CAMTA1: variants seen among roughly 807,000 people sequenced by gnomAD.
The protein encoded by CAMTA1 is calmodulin binding transcription activator 1.
Under a neutral mutation model 170.9 loss-of-function variants are expected in CAMTA1, and 27 were observed. The ratio of observed to expected loss-of-function variants is 0.16; its 90% CI spans 0.12 to 0.22. CAMTA1 has a LOEUF of 0.22. Among genes scored for constraint, CAMTA1 ranks in the 10% least tolerant of loss-of-function variants. CAMTA1 has a pLI of 1.00. For synonymous variants in CAMTA1, 833 were observed against 891.5 expected (o/e 0.93, Z 1.17); for missense variants, 1,619 against 2,217.2 (o/e 0.73, Z 5.42).
chr1:6,809,402 A>G (rs2148324297), intron 1 of CAMTA1, among the ~76,000 whole-genome samples: 1 of 152,244 alleles, frequency 6.6e-6, no homozygotes, highest in East Asian at 1.9e-4. Context: ...GATGTGGGTC[A>G]AAGATCAGGG....
At position 7,713,986 on chromosome 1, in the gene CAMTA1, G is replaced by T. The variant is rs1361034144; in HGVS notation, c.2915-18462G>T. On this transcript the variant is annotated intron_variant, in intron 11 of 22. Transcript: ENST00000303635. ...TGAAGAGGCCAAGTTATGAACAGGG[G>T]CTGGGCAGTCACTTGATTATTGTGT... 2.0e-5 allele frequency among the ~76,000 whole-genome samples: 3 copies of T among 152,166 alleles called. No individual in the cohort carries two copies. In the East Asian group the frequency reaches 5.8e-4, roughly 29 times the overall value.
chr1:6,864,578 T>A (rs185273821), intron 3 of CAMTA1, among the ~76,000 whole-genome samples: 29 of 152,330 alleles, frequency 1.9e-4, no homozygotes, highest in African/African-American at 6.5e-4. Flanking sequence ...CCTTGTCCTC[T>A]GTTCCAGCCA....
chr1:7,553,862 C>T (rs918096868), intron 6 of CAMTA1, among the ~76,000 whole-genome samples: 2 of 152,206 alleles, frequency 1.3e-5, no homozygotes, highest in African/African-American at 4.8e-5. Context: ...GATGCAGGGG[C>T]GTGAAATCAG....
intron 11 of CAMTA1, among the ~76,000 whole-genome samples, chr1:7,684,197 G>A (rs374157538): frequency 3.9e-5 from 6 of 152,210 alleles, no homozygotes; most frequent in African/African-American, 9.6e-5. Flanking sequence ...TGTCCTGGCC[G>A]TTGGGGCAGG....
intron 3 of CAMTA1, among the ~76,000 whole-genome samples, chr1:6,996,102 G>T (rs1423090749): frequency 6.6e-6 from 1 of 152,164 alleles, no homozygotes; most frequent in Non-Finnish European, 1.5e-5. Context: ...TGGGAAGTGC[G>T]GTCCTTTCTA....
chr1:7,503,977 C>T (rs764705652), intron 6 of CAMTA1, among the ~76,000 whole-genome samples: 6 of 152,132 alleles, frequency 3.9e-5, no homozygotes, highest in Non-Finnish European at 7.4e-5. Flanking sequence ...GGCCTCAGAA[C>T]GGGAGAACCA....
intron 3 of CAMTA1, among the ~76,000 whole-genome samples, chr1:6,962,466 C>CCT (rs1690617289): frequency 6.7e-6 from 1 of 148,694 alleles, no homozygotes; most frequent in South Asian, 2.2e-4. Context: ...CGTTTTGGTT[C>CCT]CTCTCTCCCT....
At chr1:7,622,862 C>T (rs1371144668) in intron 6 of CAMTA1, among the ~76,000 whole-genome samples, 1 of 152,266 alleles carries the variant, frequency 6.6e-6, no homozygotes, top group Non-Finnish European at 1.5e-5. Flanking sequence ...AGGCCATTGT[C>T]CTTGGCTTTC....
At chr1:7,298,568 A>G (rs1000711527) in intron 5 of CAMTA1, among the ~76,000 whole-genome samples, 20 of 152,196 alleles carry the variant, frequency 1.3e-4, no homozygotes, top group African/African-American at 4.6e-4. Context: ...GTCATTTGCT[A>G]CAGGGGAAAT....
At position 7,580,373 on chromosome 1, in the gene CAMTA1, G is replaced by C. The variant is rs2095249419; in HGVS notation, c.511-60027G>C. ...GCCCTGTGAATGAGGGGAACCCAGG[G>C]AGGAAGGGGCTCAGATGAAGCAGGT... is the stretch of plus-strand genomic sequence containing the variant. On this transcript the variant is annotated intron_variant, in intron 6 of 22. Coordinates refer to ENST00000303635, the MANE Select transcript of CAMTA1 (RefSeq NM_015215.4). This position sits in a 1 kb window ranked among gnomAD's most constrained non-coding sequence, Gnocchi z 4.3. Among the ~76,000 whole-genome samples the C allele has an allele frequency of 2.0e-5, 3 of 152,146 alleles. No individual in the cohort carries two copies. Among genetic ancestry groups the C allele is most frequent in the African/African-American group, 4.8e-5 (2 of 41,422 alleles).
Position 7,312,440 on chromosome 1 carries a change from G to A in CAMTA1, c.438+62814G>A, listed in dbSNP as rs557728671. Among the ~76,000 whole-genome samples, 13 of 152,300 alleles carry A rather than the reference G, an allele frequency of 8.5e-5. No individual in the cohort carries two copies. The South Asian group carries it at 2.7e-3, about 32-fold the overall frequency. On this transcript the variant is annotated intron_variant, in intron 5 of 22. Coordinates refer to ENST00000303635, the MANE Select transcript of CAMTA1 (RefSeq NM_015215.4). ...TCCAATTCCCAGTTTCAGGCTGCCT[G>A]GAGTCCAGACTCAGGGATGAAGGAG...
intron 6 of CAMTA1, among the ~76,000 whole-genome samples, chr1:7,514,427 A>G (rs1575739100): frequency 6.6e-6 from 1 of 152,244 alleles, no homozygotes; most frequent in African/African-American, 2.4e-5. Context: ...GCATTGAGTT[A>G]ACATTCCTTG....
chr1:7,016,382 C>A (rs541076767), intron 3 of CAMTA1, among the ~76,000 whole-genome samples: 1 of 152,176 alleles, frequency 6.6e-6, no homozygotes, highest in Non-Finnish European at 1.5e-5. Flanking sequence ...ATTTTTATAA[C>A]CTTTCAAATG....
chr1:6,844,616 G>A (rs909171823), intron 3 of CAMTA1, among the ~76,000 whole-genome samples: 3 of 150,460 alleles, frequency 2.0e-5, no homozygotes, highest in Non-Finnish European at 3.0e-5. Flanking sequence ...GGCCTGGGAG[G>A]TGGAGGTTGT....
At chr1:7,448,055 C>A (rs547667840) in intron 5 of CAMTA1, among the ~76,000 whole-genome samples, 137 of 152,340 alleles carry the variant, frequency 9.0e-4, no homozygotes, top group Admixed American at 1.4e-3. Context: ...TGCTCCTCTG[C>A]GGCCGCTGTC....
At chr1:7,091,547 G>T (rs186236509) in intron 4 of CAMTA1, among the ~76,000 whole-genome samples, 176 bp downstream of exon 4, 2 of 152,164 alleles carry the variant, frequency 1.3e-5, no homozygotes, top group East Asian at 1.9e-4. Flanking sequence ...CAGTGAATAC[G>T]ATCAGATGGA....
At chr1:7,104,016 A>G (rs1219580601) in intron 4 of CAMTA1, among the ~76,000 whole-genome samples, 1 of 145,386 alleles carries the variant, frequency 6.9e-6, no homozygotes, top group East Asian at 2.0e-4. Flanking sequence ...CACACTACAC[A>G]CATGTACACA....
In CAMTA1 at chr1:7,314,559, G is replaced by A. The variant is rs567634462; in HGVS notation, c.438+64933G>A. ...CTCTTTTTTATCATGGAACCTGAGT[G>A]TCTTAAATGATGGTTCCCAATAATT... On this transcript the variant is annotated intron_variant, in intron 5 of 22. Transcript: ENST00000303635. Among the ~76,000 whole-genome samples the A allele has an allele frequency of 7.2e-5, 11 of 152,340 alleles. No homozygotes were observed. The South Asian group carries it at 2.3e-3, about 32-fold the overall frequency.
chr1:6,994,731 A>T (rs1696926638), intron 3 of CAMTA1, among the ~76,000 whole-genome samples: 1 of 151,996 alleles, frequency 6.6e-6, no homozygotes, highest in Admixed American at 6.6e-5. Flanking sequence ...TCAGTGGCAC[A>T]ATCTCGGCTC....
Sources: gnomAD v4.1 joint callset for allele counts (sites outside exome capture counted in the v4.1 genomes callset) on GRCh38, gnomAD v4.1.1 for gene constraint, Gnocchi (gnomAD v3.1) non-coding constraint, MANE v1.5 for transcripts, NCBI Gene and HGNC (gene_info 2026-07-23, HGNC 2026-07-21) for gene names.